The following FAM120AOS variants were observed in gnomAD, a reference collection of about 807,000 sequenced individuals.
FAM120AOS encodes uncharacterized protein FAM120AOS.
In FAM120AOS, 15 loss-of-function variants were observed where a neutral mutation model predicts 20.2. The ratio of observed to expected loss-of-function variants is 0.74; its 90% confidence interval spans 0.50 to 1.15. The LOEUF is 1.15. Ranked by LOEUF, FAM120AOS falls within the 50% of genes most tolerant of loss-of-function variation. FAM120AOS has a pLI of 0.00. For missense variants in FAM120AOS, 327 were observed against 351.9 expected (o/e 0.93, Z 0.57); for synonymous variants, 154 against 154.0 (o/e 1.00, Z 0.00).
At position 93,447,969 on chromosome 9, in the gene FAM120AOS, T is replaced by A. The variant is rs1285961433; in HGVS notation, c.685-272A>T. ...CTTCTGGGTAATTTAAATTGACAAT[T>A]AATTAACAGGGCTGGTGCTAGGTAA... On this transcript the variant is annotated intron_variant, in intron 2 of 2. Transcript: ENST00000375412. 3.3e-5 allele frequency among the ~76,000 whole-genome samples: 5 copies of A among 152,034 alleles called. No homozygotes were observed. In the East Asian group the frequency reaches 9.9e-4, roughly 30 times the overall value.
chr9:93,451,072 CTG>C, intron 1 of FAM120AOS: 1 of 1,550,636 alleles, frequency 6.4e-7, no homozygotes, highest in Non-Finnish European at 8.7e-7. Context: ...GAGCCCGAAG[CTG>C]CTGGGATGAG....
chr9:93,452,731 ATCAC>A lies in FAM120AOS; in HGVS notation c.-26_-23del, dbSNP rs1164924608. The A allele has an allele frequency of 1.9e-6, 3 of 1,597,996 alleles. No individual in the cohort carries two copies. In the African/African-American group the frequency reaches 4.0e-5, roughly 21 times the overall value. On this transcript the variant is annotated 5_prime_UTR_variant, in exon 1 of 3. Coordinates refer to ENST00000375412, the MANE Select transcript of FAM120AOS (RefSeq NM_198841.4). This position sits in a 1 kb window ranked among gnomAD's most constrained non-coding sequence, Gnocchi z 7.0. ...CCATCCTATTTGAGGCGGGCAGGCT[ATCAC>A]TCACCTTCAACTTTGACAAAATACT...
Position 93,452,621 on chromosome 9 carries a change from G to C in FAM120AOS, c.89C>G (p.Thr30Arg). 6.3e-7 allele frequency: 1 copy of C among 1,599,258 alleles called. No individual in the cohort carries two copies. The change falls in exon 1 of 3, where the codon ACG (threonine) becomes AGG (arginine). Residue 30 changes from threonine to arginine, a missense_variant. Around this residue, in one of 3 missense-constraint regions of FAM120AOS, gnomAD observed 155 missense variants for 128.8 expected, o/e 1.20. Transcript: ENST00000375412. This position sits in a 1 kb window ranked among gnomAD's most constrained non-coding sequence, Gnocchi z 7.0. ...GTCCCTGTTCGGGGTCCGCGGCCGC[G>C]TGGGGACACTTGAGGGCTGGGAGAG... is the stretch of plus-strand genomic sequence containing the variant. ...GALSQPSSVP[T>R]RPRTPNRDSW...
In FAM120AOS at chr9:93,452,236, G is replaced by A. The variant is rs1857270901; in HGVS notation, c.474C>T (p.His158=). The A allele has an allele frequency of 6.2e-7, 1 of 1,611,572 alleles. No homozygotes were observed. Among genetic ancestry groups the A allele is most frequent in the East Asian group, 2.2e-5 (1 of 44,822 alleles). The change falls in exon 1 of 3, where the codon CAC becomes CAT. Residue 158 remains histidine (H), a synonymous_variant. Coordinates refer to ENST00000375412, the MANE Select transcript of FAM120AOS (RefSeq NM_198841.4). This position sits in a 1 kb window ranked among gnomAD's most constrained non-coding sequence, Gnocchi z 7.0. ...CGCTCGAGAAGGCCCGGCTGCACGA[G>A]TGGGTCAAGCGGCAGGGCAACGAGC... is the stretch of plus-strand genomic sequence containing the variant. ...VWRSLPCRLT[H]SCSRAFSSAP...
chr9:93,453,556 G>A lies in FAM120AOS; in HGVS notation c.-847C>T, dbSNP rs1017410044. 7.1e-6 allele frequency: 7 copies of A among 985,270 alleles called. No individual in the cohort carries two copies. The highest frequency in any genetic ancestry group is 6.2e-5 in the Admixed American group (1 of 16,250). 61.0% of individuals were successfully genotyped at this position (985,270 alleles called of 1,614,324 possible). A position where few individuals can be genotyped will look rare whatever the true frequency, so the allele number is the denominator to read the frequency against. The stretch of plus-strand genomic sequence containing the variant: ...GTCTTCGCGGTTGCCCCCACTGCCC[G>A]CGAGGAGATGGTGGTAGTTAAGCCT... On this transcript the variant is annotated 5_prime_UTR_variant, in exon 1 of 3. Transcript: ENST00000375412.
At chr9:93,449,661 T>G (rs13289860) in intron 2 of FAM120AOS, among the ~76,000 whole-genome samples, 1 of 152,050 alleles carries the variant, frequency 6.6e-6, no homozygotes, top group East Asian at 1.9e-4. Flanking sequence ...CTAATTTTTG[T>G]GTTTTTAGTA....
chr9:93,449,738 G>T (rs533968278), intron 2 of FAM120AOS, among the ~76,000 whole-genome samples: 6 of 151,646 alleles, frequency 4.0e-5, no homozygotes, highest in Non-Finnish European at 8.8e-5. Flanking sequence ...TGCCCGCCTC[G>T]GCCTCCCAAC....
intron 2 of FAM120AOS, among the ~76,000 whole-genome samples, chr9:93,448,645 T>A (rs1856947300): frequency 6.6e-6 from 1 of 152,100 alleles, no homozygotes; most frequent in Non-Finnish European, 1.5e-5. Context: ...TAAGATGGAG[T>A]CTCGCTCTGT....
intron 2 of FAM120AOS, among the ~76,000 whole-genome samples, chr9:93,448,983 A>C (rs1483377348): frequency 6.6e-6 from 1 of 152,008 alleles, no homozygotes; most frequent in South Asian, 2.1e-4. Flanking sequence ...CCTGAATTTG[A>C]GTTAAGGATG....
Position 93,446,089 on chromosome 9 carries a change from CTT to C in FAM120AOS, c.*1520_*1521del, listed in dbSNP as rs1383417271. ...TTATAGGGCAGAGCTTTCCCAGACTCTTGTTCCACCCTAAGGATAAAGTATTA... is the reference window on the plus strand; with the variant it reads ...TTATAGGGCAGAGCTTTCCCAGACTCGTTCCACCCTAAGGATAAAGTATTA... On this transcript the variant is annotated 3_prime_UTR_variant, in exon 3 of 3. Transcript: ENST00000375412. Among the ~76,000 whole-genome samples, 2 of 152,190 alleles carry C rather than the reference CTT, an allele frequency of 1.3e-5. No individual in the cohort carries two copies. The highest frequency in any genetic ancestry group is 2.9e-5 in the Non-Finnish European group (2 of 68,032).
chr9:93,450,783 G>T, intron 1 of FAM120AOS, 184 bp from the exon 2 acceptor site: 1 of 1,078,654 alleles, frequency 9.3e-7, no homozygotes, highest in Non-Finnish European at 1.4e-6. Flanking sequence ...CAGAGCTTTG[G>T]AACAGAATTT....
Position 93,447,701 on chromosome 9 carries a change from A to G in FAM120AOS, c.685-4T>C. On this transcript the variant is annotated splice_region_variant and splice_polypyrimidine_tract_variant and intron_variant, in intron 2 of 2. Coordinates refer to ENST00000375412, the MANE Select transcript of FAM120AOS (RefSeq NM_198841.4). ...TGACAGAACAGCTTCTGGAAATCTG[A>G]AAAGAAAAAAAAAAAGGTAGTTTAT... 2 of 1,599,936 alleles carry G rather than the reference A, an allele frequency of 1.3e-6. No homozygotes were observed. The highest frequency in any genetic ancestry group is 1.4e-5 in the African/African-American group (1 of 74,050).
In FAM120AOS at chr9:93,447,485, T is replaced by A; in HGVS notation, c.*126A>T. On this transcript the variant is annotated 3_prime_UTR_variant, in exon 3 of 3. Coordinates refer to ENST00000375412, the MANE Select transcript of FAM120AOS (RefSeq NM_198841.4). ...TCTAGCTTTAAAACACCCTCCAATA[T>A]AGAGAGAACTCTGAAACCAGAAGCA... 1.2e-6 allele frequency: 1 copy of A among 856,266 alleles called. No homozygotes were observed. The highest frequency in any genetic ancestry group is 1.9e-6 in the Non-Finnish European group (1 of 525,268). 53.0% of individuals were successfully genotyped at this position (856,266 alleles called of 1,614,324 possible).
chr9:93,452,439 C>G lies in FAM120AOS; in HGVS notation c.271G>C (p.Gly91Arg). Residue 91 changes from glycine to arginine, a missense_variant, in exon 1 of 3, where the codon GGG becomes CGG. By Grantham distance (125) the Gly-to-Arg change is moderately radical (BLOSUM62 -2). This residue lies in a region of FAM120AOS where 155 missense variants were observed against 128.8 expected (regional missense o/e 1.20). Coordinates refer to ENST00000375412, the MANE Select transcript of FAM120AOS (RefSeq NM_198841.4). This position sits in a 1 kb window ranked among gnomAD's most constrained non-coding sequence, Gnocchi z 7.0. The part of the protein sequence containing the change: ...ATFCALGRGI[G>R]VRRGPGPRPA... Reference sequence around the variant, plus strand: ...CGGGGACCGGGGCCGCGCCGCACCCCTATCCCCCTTCCCAGGGCGCAGAAT... The same window carrying G: ...CGGGGACCGGGGCCGCGCCGCACCCGTATCCCCCTTCCCAGGGCGCAGAAT... 1 of 1,563,268 alleles carries G rather than the reference C, an allele frequency of 6.4e-7. No homozygotes were observed. Among genetic ancestry groups the G allele is most frequent in the Non-Finnish European group, 8.6e-7 (1 of 1,156,518 alleles).
In FAM120AOS at chr9:93,446,958, T is replaced by C. The variant is rs1856866638; in HGVS notation, c.*653A>G. ...TTGCTTTCACCCATATGGTCTCCTTTGGTGTTCTGCTGGTGCTTATGAAGC... is the reference window on the plus strand; with the variant it reads ...TTGCTTTCACCCATATGGTCTCCTTCGGTGTTCTGCTGGTGCTTATGAAGC... On this transcript the variant is annotated 3_prime_UTR_variant, in exon 3 of 3. Coordinates refer to ENST00000375412, the MANE Select transcript of FAM120AOS (RefSeq NM_198841.4). The C allele has an allele frequency of 6.6e-6, 1 of 152,382 alleles. No individual in the cohort carries two copies. The highest frequency in any genetic ancestry group is 2.1e-4 in the South Asian group (1 of 4,842). The allele number at this position is 152,382 out of a possible 1,614,324, so 9.4% of individuals were successfully genotyped here. A position where few individuals can be genotyped will look rare whatever the true frequency, so the allele number is the denominator to read the frequency against.
Position 93,447,766 on chromosome 9 carries a change from C to T in FAM120AOS, c.685-69G>A, listed in dbSNP as rs1218602184. On this transcript the variant is annotated intron_variant, in intron 2 of 2. Transcript: ENST00000375412. Reference sequence around the variant, plus strand: ...TATGAAATGTATTTTGTCATGGTCTCCAGAGTCCGAATATTGATCTCTGTG... The same window carrying T: ...TATGAAATGTATTTTGTCATGGTCTTCAGAGTCCGAATATTGATCTCTGTG... The T allele has an allele frequency of 4.4e-6, 6 of 1,360,084 alleles. No individual in the cohort carries two copies. In the African/African-American group the frequency reaches 7.2e-5, roughly 16 times the overall value. 84.3% of individuals were successfully genotyped at this position (1,360,084 alleles called of 1,614,324 possible). A position where few individuals can be genotyped will look rare whatever the true frequency, so the allele number is the denominator to read the frequency against.
chr9:93,447,738 G>C (rs772335844), intron 2 of FAM120AOS, 41 bp from the exon 3 acceptor site: 1 of 1,536,772 alleles, frequency 6.5e-7, no homozygotes. Flanking sequence ...TATTAGTTTG[G>C]AATATGAAAT....
Position 93,445,924 on chromosome 9 carries a change from CA to C in FAM120AOS, c.*1686del, listed in dbSNP as rs1255264791. Among the ~76,000 whole-genome samples the C allele has an allele frequency of 2.6e-5, 4 of 152,132 alleles. No homozygotes were observed. Among genetic ancestry groups the C allele is most frequent in the African/African-American group, 9.7e-5 (4 of 41,404 alleles). ...TGTTTTATATGATGGGCTGATGTCT[CA>C]TGAATAACTGTGCCAAAATCCTCAC... On this transcript the variant is annotated 3_prime_UTR_variant, in exon 3 of 3. Coordinates refer to ENST00000375412, the MANE Select transcript of FAM120AOS (RefSeq NM_198841.4).
Position 93,445,600 on chromosome 9 carries a change from T to TG in FAM120AOS, c.*2010_*2011insC, listed in dbSNP as rs1438962699. Among the ~76,000 whole-genome samples, 3 of 146,354 alleles carry TG rather than the reference T, an allele frequency of 2.0e-5. No individual in the cohort carries two copies. The highest frequency in any genetic ancestry group is 7.6e-5 in the African/African-American group (3 of 39,378). The stretch of plus-strand genomic sequence containing the variant: ...AAATCGTTGTTTTTTTTTTTTTTTT[T>TG]TTTTTTTGAGACAAGGCCTCACTCT... On this transcript the variant is annotated 3_prime_UTR_variant, in exon 3 of 3. Transcript: ENST00000375412.
Sources: gnomAD v4.1 joint callset for allele counts (sites outside exome capture counted in the v4.1 genomes callset) on GRCh38, gnomAD v4.1.1 for gene constraint, gnomAD v4.1.1 regional missense constraint, Gnocchi (gnomAD v3.1) non-coding constraint, MANE v1.5 for transcripts, NCBI Gene and HGNC (gene_info 2026-07-23, HGNC 2026-07-21) for gene names.